Variants in TULP4 observed in about 807,000 individuals in gnomAD.
TULP4 encodes TUB like protein 4, also known as tubby-related protein 4.
TULP4 carries 16 observed loss-of-function variants against 129.0 expected under a neutral mutation model. The ratio of observed to expected loss-of-function variants is 0.12; its 90% confidence interval spans 0.08 to 0.19. The LOEUF is 0.19. Ranked by LOEUF, TULP4 falls within the 10% of genes least tolerant of loss-of-function variation. The pLI, the probability that TULP4 is intolerant of heterozygous loss-of-function variation, is 1.00. For missense variants in TULP4, 1,842 were observed against 2,059.1 expected (o/e 0.89, Z 2.04); for synonymous variants, 998 against 854.0 (o/e 1.17, Z -2.94).
intron 1 of TULP4, among the ~76,000 whole-genome samples, chr6:158,372,788 G>C (rs796641999): frequency 5.9e-5 from 9 of 152,264 alleles, no homozygotes; most frequent in African/African-American, 2.2e-4. Context: ...TATTTCTAAA[G>C]TGTCATCTTT....
intron 5 of TULP4, among the ~76,000 whole-genome samples, chr6:158,460,713 G>T (rs541003102): frequency 4.9e-4 from 74 of 152,192 alleles, no homozygotes; most frequent in Non-Finnish European, 9.6e-4. Flanking sequence ...TCATATGCAT[G>T]TGTGTCCTTT....
At position 158,479,873 on chromosome 6, in the gene TULP4, G is replaced by C. The variant is rs140551958; in HGVS notation, c.1149G>C (p.Gln383His). The C allele has an allele frequency of 1.2e-6, 2 of 1,613,786 alleles. No homozygotes were observed. Among genetic ancestry groups the C allele is most frequent in the South Asian group, 2.2e-5 (2 of 91,084 alleles). ...RVSSLQLLCQ[Q>H]AIASTLREDK... ...CCAGCCTGCAGCTGCTGTGCCAGCA[G>C]GCCATCGCCAGCACCTTGCGTGAGG... is the stretch of plus-strand genomic sequence containing the variant. The change falls in exon 7 of 14, where the codon CAG (glutamine) becomes CAC (histidine). Residue 383 changes from glutamine (Q) to histidine (H), a missense_variant. By Grantham distance (24) the Gln-to-His change is conservative (BLOSUM62 0). Coordinates refer to ENST00000367097, the MANE Select transcript of TULP4 (RefSeq NM_020245.5).
Position 158,506,222 on chromosome 6 carries a change from CTTTTTTTTT to C in TULP4, c.4516-336_4516-328del, listed in dbSNP as rs61292138. Among the ~76,000 whole-genome samples, 132 of 55,502 alleles carry C rather than the reference CTTTTTTTTT, an allele frequency of 2.4e-3. 7 individuals carry two copies. In the East Asian group the frequency reaches 0.064, roughly 27 times the overall value. The allele number at this position is 55,502 out of a possible 152,430, so 36.4% of individuals were successfully genotyped here. A position where few individuals can be genotyped will look rare whatever the true frequency, so the allele number is the denominator to read the frequency against. On this transcript the variant is annotated intron_variant, in intron 13 of 13. Transcript: ENST00000367097. ...CGGCTGTCGCCTTGCTCGCCTTGTT[CTTTTTTTTT>C]TTTTTTTTTTTTTTTTTTTGAGATG...
intron 10 of TULP4, 46 bp from the exon 11 acceptor site, chr6:158,494,707 C>T (rs761143290): frequency 1.2e-5 from 19 of 1,549,026 alleles, no homozygotes; most frequent in East Asian, 6.8e-5. Flanking sequence ...GTTGAAAATA[C>T]GGAAATAGAT....
chr6:158,379,263 A>G (rs2087905060), intron 1 of TULP4, among the ~76,000 whole-genome samples: 1 of 152,234 alleles, frequency 6.6e-6, no homozygotes, highest in Non-Finnish European at 1.5e-5. Flanking sequence ...AGTTCTCCTC[A>G]TATGAACCTG....
intron 1 of TULP4, among the ~76,000 whole-genome samples, chr6:158,371,023 A>G (rs1187791778): frequency 2.6e-5 from 4 of 152,206 alleles, no homozygotes; most frequent in African/African-American, 4.8e-5. Context: ...GGCTCCTGCC[A>G]GAGGTCCAGT....
chr6:158,365,532 A>G (rs1780919162), intron 1 of TULP4, among the ~76,000 whole-genome samples: 1 of 144,002 alleles, frequency 6.9e-6, no homozygotes, highest in Non-Finnish European at 1.5e-5. Context: ...GCTGGAGTGC[A>G]GTGGTGCGAT....
At chr6:158,477,851 C>A (rs1779857133) in intron 6 of TULP4, among the ~76,000 whole-genome samples, 2 of 152,184 alleles carry the variant, frequency 1.3e-5, no homozygotes, top group Admixed American at 1.3e-4. Flanking sequence ...GATATGGAAT[C>A]AACCTAAATG....
At chr6:158,329,273 G>T (rs1779820469) in intron 1 of TULP4, among the ~76,000 whole-genome samples, 1 of 152,074 alleles carries the variant, frequency 6.6e-6, no homozygotes, top group African/African-American at 2.4e-5. Context: ...AGAGGAGATT[G>T]TCTCTATCTT....
At chr6:158,271,978 G>A (rs182446517) in intron 1 of TULP4, among the ~76,000 whole-genome samples, 100 of 152,226 alleles carry the variant, frequency 6.6e-4, no homozygotes, top group Admixed American at 2.1e-3. Context: ...AAGTATTTGC[G>A]GAAAAATATT....
At chr6:158,389,176 A>G (rs1303046166) in intron 1 of TULP4, among the ~76,000 whole-genome samples, 1 of 152,244 alleles carries the variant, frequency 6.6e-6, no homozygotes, top group Non-Finnish European at 1.5e-5. Context: ...GGCACCAGGT[A>G]TGGTGGCTCA....
At chr6:158,505,966 C>T (rs79835807) in intron 13 of TULP4, among the ~76,000 whole-genome samples, 1,595 of 151,716 alleles carry the variant, frequency 0.011, 14 homozygotes, top group Non-Finnish European at 0.014. Context: ...ATCACCCAAA[C>T]ATTGGATGTT....
chr6:158,366,272 G>A (rs570718600), intron 1 of TULP4, among the ~76,000 whole-genome samples: 39 of 152,248 alleles, frequency 2.6e-4, no homozygotes, highest in African/African-American at 7.9e-4. Context: ...GTCTTAAGTG[G>A]ACTTCTTTGT....
At chr6:158,414,550 C>T (rs1396503744) in intron 2 of TULP4, among the ~76,000 whole-genome samples, 4 of 152,212 alleles carry the variant, frequency 2.6e-5, no homozygotes, top group Non-Finnish European at 2.9e-5. Context: ...TGCCCTGAAG[C>T]AGTAGCCATA....
chr6:158,238,793 G>T (rs1313140655), intron 1 of TULP4, among the ~76,000 whole-genome samples: 4 of 89,804 alleles, frequency 4.5e-5, no homozygotes, highest in African/African-American at 1.6e-4. Context: ...TTTTCTTAGT[G>T]CAGAACAAAA....
chr6:158,280,853 G>A (rs1319970449), upstream of TULP4, among the ~76,000 whole-genome samples: 6 of 152,172 alleles, frequency 3.9e-5, no homozygotes, highest in Admixed American at 3.3e-4. Flanking sequence ...TGGGATGTTC[G>A]GCACTCAAGT....
At chr6:158,442,516 C>A (rs1473118663) in intron 3 of TULP4, among the ~76,000 whole-genome samples, 3 of 151,904 alleles carry the variant, frequency 2.0e-5, no homozygotes, top group Non-Finnish European at 2.9e-5. Context: ...GCATCACTCG[C>A]GGTCTTCTGA....
intron 1 of TULP4, among the ~76,000 whole-genome samples, chr6:158,326,854 TTA>T (rs1212494869): frequency 1.3e-5 from 2 of 152,212 alleles, no homozygotes; most frequent in East Asian, 1.9e-4. Flanking sequence ...GTGGATCCAC[TTA>T]TATGTGGAAT....
At chr6:158,309,106 T>G, upstream of TULP4, among the ~76,000 whole-genome samples, 1 of 35,342 alleles carries the variant, frequency 2.8e-5, no homozygotes. Flanking sequence ...GTGTGGTTGC[T>G]GGGTGGAGGG....
Sources: allele counts gnomAD v4.1 joint callset (sites outside exome capture counted in the v4.1 genomes callset), GRCh38; gene constraint gnomAD v4.1.1; transcripts MANE v1.5; gene names NCBI Gene and HGNC (gene_info 2026-07-23, HGNC 2026-07-21).